Variants in CABP1 observed in about 807,000 individuals in gnomAD.
CABP1 encodes calcium-binding protein 1.
In CABP1, 17 loss-of-function variants were observed where a neutral mutation model predicts 34.3. That is an observed-to-expected ratio of 0.50 (90% CI 0.34 to 0.74). CABP1 has a LOEUF of 0.74. Ranked by LOEUF, CABP1 falls within the 30% of genes least tolerant of loss-of-function variation. The pLI, the probability that CABP1 is intolerant of heterozygous loss-of-function variation, is 0.01. For missense variants in CABP1, 373 were observed against 511.1 expected, an observed-to-expected ratio of 0.73 and a Z score of 2.61; for synonymous variants, 198 against 229.2, an observed-to-expected ratio of 0.86 and a Z score of 1.23.
In CABP1 at chr12:120,640,662, C is replaced by T; in HGVS notation, c.-24C>T. 9.5e-7 allele frequency: 1 copy of T among 1,054,868 alleles called. No homozygotes were observed. The highest frequency in any genetic ancestry group is 1.1e-6 in the Non-Finnish European group (1 of 876,180). The allele number at this position is 1,054,868 out of a possible 1,614,324, so 65.3% of individuals were successfully genotyped here. On this transcript the variant is annotated 5_prime_UTR_variant, in exon 1 of 6. Coordinates refer to ENST00000316803, the MANE Select transcript of CABP1 (RefSeq NM_001033677.2). The surrounding 1 kb of genome is among the most constrained non-coding windows in gnomAD (Gnocchi z 6.2). ...GCCAGCCGCCGGGAGCTCCGGGCTC[C>T]GGGCGTAGAGGCTGCGCTGTCACAT...
At position 120,667,045 on chromosome 12, in the gene CABP1, C is replaced by G; in HGVS notation, c.*145C>G. 1.1e-6 allele frequency: 1 copy of G among 919,220 alleles called. No homozygotes were observed. The highest frequency in any genetic ancestry group is 2.1e-5 in the Admixed American group (1 of 47,250). 56.9% of individuals were successfully genotyped at this position (919,220 alleles called of 1,614,324 possible). On this transcript the variant is annotated 3_prime_UTR_variant, in exon 6 of 6. Coordinates refer to ENST00000316803, the MANE Select transcript of CABP1 (RefSeq NM_001033677.2). ...CTGCACCCCGGGGAGGCGCCCACCCCGGACCCCCACCCCTCCGCACTGTGA... is the reference window on the plus strand; with the variant it reads ...CTGCACCCCGGGGAGGCGCCCACCCGGGACCCCCACCCCTCCGCACTGTGA...
chr12:120,649,590 G>A (rs2137333678), intron 1 of CABP1, among the ~76,000 whole-genome samples: 1 of 152,262 alleles, frequency 6.6e-6, no homozygotes, highest in African/African-American at 2.4e-5. Context: ...GGCACCCCAA[G>A]GAAGCTGGGG....
chr12:120,675,321 G>C, the CABP1 span, among the ~76,000 whole-genome samples: 1 of 152,204 alleles, frequency 6.6e-6, no homozygotes, highest in African/African-American at 2.4e-5. Context: ...CCAAAGTGGT[G>C]GGATTACAGG....
the CABP1 span, among the ~76,000 whole-genome samples, chr12:120,679,131 T>C: frequency 6.6e-6 from 1 of 151,920 alleles, no homozygotes. Flanking sequence ...ATATGTTTTC[T>C]TATTTTTAAC....
chr12:120,658,571 C>T (rs1252393977), intron 1 of CABP1, among the ~76,000 whole-genome samples: 2 of 152,196 alleles, frequency 1.3e-5, no homozygotes, highest in African/African-American at 2.4e-5. Context: ...GCTCTTGGTC[C>T]TATGCACCTG....
At chr12:120,646,268 G>T (rs1268187572) in intron 1 of CABP1, among the ~76,000 whole-genome samples, 1 of 152,138 alleles carries the variant, frequency 6.6e-6, no homozygotes, top group African/African-American at 2.4e-5. Context: ...AAGTTCAAAG[G>T]CTGGTGATAG....
Position 120,640,981 on chromosome 12 carries a change from G to A in CABP1, c.296G>A (p.Arg99His), listed in dbSNP as rs1289507587. The A allele has an allele frequency of 5.2e-6, 6 of 1,152,510 alleles. No individual in the cohort carries two copies. In the Admixed American group the frequency reaches 2.9e-4, roughly 55 times the overall value. The allele number at this position is 1,152,510 out of a possible 1,614,324, so 71.4% of individuals were successfully genotyped here. Residue 99 changes from arginine (R) to histidine (H), a missense_variant, in exon 1 of 6, where the codon CGC becomes CAC. By Grantham distance (29) the Arg-to-His change is conservative. Transcript: ENST00000316803. The surrounding 1 kb of genome is among the most constrained non-coding windows in gnomAD (Gnocchi z 6.2). ...GPARDPGLPSRRLPGSCPATP... is the reference protein window; with the variant it reads ...GPARDPGLPSHRLPGSCPATP... ...GCCCGGGACCCGGGGCTGCCTAGCC[G>A]CCGGCTACCCGGCTCCTGCCCGGCG... is the stretch of plus-strand genomic sequence containing the variant.
intron 1 of CABP1, chr12:120,650,594 C>T: frequency 6.2e-7 from 1 of 1,613,558 alleles, no homozygotes; most frequent in East Asian, 2.2e-5. Context: ...CAGGAGCCTC[C>T]TTCATGGACC....
chr12:120,655,705 T>C (rs1363553600), intron 1 of CABP1: 1 of 1,433,966 alleles, frequency 7.0e-7, no homozygotes, highest in African/African-American at 1.4e-5. Flanking sequence ...TGGGAAAGGA[T>C]GTTGTCTCAT....
chr12:120,663,075 C>T (rs1880756096), intron 5 of CABP1, among the ~76,000 whole-genome samples: 1 of 152,200 alleles, frequency 6.6e-6, no homozygotes, highest in Non-Finnish European at 1.5e-5. Context: ...GCACCCTTCC[C>T]TGGTTCCTCA....
the CABP1 span, among the ~76,000 whole-genome samples, chr12:120,677,721 T>C: frequency 6.6e-6 from 1 of 152,184 alleles, no homozygotes; most frequent in South Asian, 2.1e-4. Context: ...TTGCTTTCTA[T>C]CGTACTCATT....
chr12:120,647,952 G>A (rs1219046058), intron 1 of CABP1, among the ~76,000 whole-genome samples: 1 of 152,090 alleles, frequency 6.6e-6, no homozygotes, highest in Non-Finnish European at 1.5e-5. Flanking sequence ...GGAGTACTAA[G>A]CAACACCAAT....
chr12:120,645,927 T>G (rs1486293739), intron 1 of CABP1, among the ~76,000 whole-genome samples: 1 of 152,228 alleles, frequency 6.6e-6, no homozygotes, highest in East Asian at 1.9e-4. Context: ...GGTTCACATC[T>G]GTAATTGCAG....
chr12:120,660,892 A>C lies in CABP1; in HGVS notation c.939+52A>C. The C allele has an allele frequency of 1.4e-6, 2 of 1,442,184 alleles. No homozygotes were observed. The highest frequency in any genetic ancestry group is 2.0e-6 in the Non-Finnish European group (2 of 1,024,086). 89.3% of individuals were successfully genotyped at this position (1,442,184 alleles called of 1,614,324 possible). ...GGGCGGCTATTGGAATCCTATCTGC[A>C]GTATAAATACTTCAAAAGAAGCCTG... On this transcript the variant is annotated intron_variant, in intron 4 of 5. Coordinates refer to ENST00000316803, the MANE Select transcript of CABP1 (RefSeq NM_001033677.2). The surrounding 1 kb of genome is among the most constrained non-coding windows in gnomAD (Gnocchi z 5.0).
At position 120,661,166 on chromosome 12, in the gene CABP1, G is replaced by T; in HGVS notation, c.1035G>T (p.Glu345Asp). Residue 345 changes from glutamate (E) to aspartate (D), a missense_variant, in exon 5 of 6, where the codon GAG becomes GAT. Around this residue, in one of 4 missense-constraint regions of CABP1, gnomAD observed 109 missense variants for 204.8 expected, o/e 0.53. Transcript: ENST00000316803. The surrounding 1 kb of genome is among the most constrained non-coding windows in gnomAD (Gnocchi z 5.1). ...LGHQVGHRDI[E>D]EIIRDVDLNG... is the part of the protein sequence containing the mutation. Reference sequence around the variant, plus strand: ...ATCAGGTGGGACACCGAGACATAGAGGAAATTATCCGAGATGTGGACCTCA... The same window carrying T: ...ATCAGGTGGGACACCGAGACATAGATGAAATTATCCGAGATGTGGACCTCA... The T allele has an allele frequency of 6.2e-7, 1 of 1,613,032 alleles. No individual in the cohort carries two copies.
chr12:120,643,072 C>T (rs896839042), intron 1 of CABP1, among the ~76,000 whole-genome samples: 2 of 150,144 alleles, frequency 1.3e-5, no homozygotes, highest in African/African-American at 2.5e-5. Context: ...GAGCTCCGAG[C>T]ATTGTAGCGA....
At chr12:120,671,579 G>GA (rs1881252629), downstream of CABP1, among the ~76,000 whole-genome samples, 1 of 152,262 alleles carries the variant, frequency 6.6e-6, no homozygotes, top group African/African-American at 2.4e-5. Context: ...GGAGTGTGGA[G>GA]AGGCTCAGAT....
chr12:120,676,246 T>A, the CABP1 span, among the ~76,000 whole-genome samples: 1 of 152,138 alleles, frequency 6.6e-6, no homozygotes, highest in Admixed American at 6.6e-5. Context: ...AATAGGCACA[T>A]GTGGTGTGGA....
chr12:120,652,188 G>C (rs758304780), intron 1 of CABP1, among the ~76,000 whole-genome samples: 1 of 152,182 alleles, frequency 6.6e-6, no homozygotes, highest in Non-Finnish European at 1.5e-5. Flanking sequence ...CTGGCCTATA[G>C]TAGTCAATAA....
Sources: gnomAD v4.1 joint callset for allele counts (sites outside exome capture counted in the v4.1 genomes callset) on GRCh38, gnomAD v4.1.1 for gene constraint, gnomAD v4.1.1 regional missense constraint, Gnocchi (gnomAD v3.1) non-coding constraint, MANE v1.5 for transcripts, NCBI Gene and HGNC (gene_info 2026-07-23, HGNC 2026-07-21) for gene names.